Variants in TLK2 observed in about 807,000 individuals in gnomAD.
TLK2 encodes tousled like kinase 2, also known as serine/threonine-protein kinase tousled-like 2.
TLK2 carries 6 observed loss-of-function variants against 117.3 expected under a neutral mutation model. That is an observed-to-expected ratio of 0.05 (90% CI 0.03 to 0.10). TLK2 has a LOEUF of 0.10. Among genes scored for constraint, TLK2 ranks in the 10% least tolerant of loss-of-function variants. The probability of loss-of-function intolerance (pLI) is 1.00; values close to 1 mark genes in which losing one functional copy is unlikely to be tolerated. For missense variants in TLK2, 299 were observed against 901.2 expected, an observed-to-expected ratio of 0.33 and a Z score of 8.56; for synonymous variants, 257 against 316.7, an observed-to-expected ratio of 0.81 and a Z score of 2.00.
intron 9 of TLK2, among the ~76,000 whole-genome samples, chr17:62,554,802 A>G (rs2078725958): frequency 6.6e-6 from 1 of 151,898 alleles, no homozygotes; most frequent in Non-Finnish European, 1.5e-5. Flanking sequence ...GCTTGAGCCC[A>G]GGACCTCTAG....
chr17:62,514,084 T>C lies in TLK2; in HGVS notation c.82-6689T>C, dbSNP rs1255917435. ...TTATGTGAGCTTTTGAGGATTGTGTTTAAAAAAAGTGCTACGTGTTAGTTA... is the reference window on the plus strand; with the variant it reads ...TTATGTGAGCTTTTGAGGATTGTGTCTAAAAAAAGTGCTACGTGTTAGTTA... On this transcript the variant is annotated intron_variant, in intron 2 of 21. Coordinates refer to ENST00000346027, the MANE Select transcript of TLK2 (RefSeq NM_006852.6). Among the ~76,000 whole-genome samples, 4 of 152,244 alleles carry C rather than the reference T, an allele frequency of 2.6e-5. No homozygotes were observed. The East Asian group carries it at 7.7e-4, about 29-fold the overall frequency.
At chr17:62,501,756 T>G (rs1005726033) in intron 2 of TLK2, among the ~76,000 whole-genome samples, 1 of 152,044 alleles carries the variant, frequency 6.6e-6, no homozygotes, top group Non-Finnish European at 1.5e-5. Flanking sequence ...GCCCAGGAGT[T>G]TGAGACCAGC....
intron 6 of TLK2, among the ~76,000 whole-genome samples, chr17:62,525,468 T>G (rs74954752): frequency 1.4e-5 from 2 of 140,768 alleles, no homozygotes; most frequent in Non-Finnish European, 3.1e-5. Context: ...TTTTTTTTTT[T>G]GAGACAGTCT....
rs2079654315 is a variant in TLK2, at chr17:62,565,222, C to T, written c.968+85C>T. The T allele has an allele frequency of 4.0e-6, 6 of 1,485,274 alleles. No homozygotes were observed. In the African/African-American group the frequency reaches 8.4e-5, roughly 21 times the overall value. The allele number at this position is 1,485,274 out of a possible 1,614,324, so 92.0% of individuals were successfully genotyped here. A position where few individuals can be genotyped will look rare whatever the true frequency, so the allele number is the denominator to read the frequency against. On this transcript the variant is annotated intron_variant, in intron 11 of 21. Transcript: ENST00000346027. ...TTCTGTAATTGTAGTCATTAATAATCCTACTATTGGTAGTCATCTTTTCAG... is the reference window on the plus strand; with the variant it reads ...TTCTGTAATTGTAGTCATTAATAATTCTACTATTGGTAGTCATCTTTTCAG...
At chr17:62,595,241 A>C (rs2082384089) in intron 16 of TLK2, among the ~76,000 whole-genome samples, 1 of 150,738 alleles carries the variant, frequency 6.6e-6, no homozygotes. Flanking sequence ...TTGGCCTCCC[A>C]AAGTCCTGGG....
intron 2 of TLK2, among the ~76,000 whole-genome samples, chr17:62,506,658 T>C (rs1261574184): frequency 6.6e-6 from 1 of 152,204 alleles, no homozygotes; most frequent in Admixed American, 6.5e-5. Flanking sequence ...TTTTTATATT[T>C]TTGTTCTCAT....
intron 9 of TLK2, among the ~76,000 whole-genome samples, chr17:62,554,220 C>G (rs114813701): frequency 1.3e-5 from 2 of 152,046 alleles, no homozygotes; most frequent in Non-Finnish European, 2.9e-5. Flanking sequence ...AAATAGATAC[C>G]ACTAGAAAAT....
chr17:62,542,944 A>G (rs1427854519), intron 7 of TLK2, among the ~76,000 whole-genome samples: 4 of 152,242 alleles, frequency 2.6e-5, no homozygotes, highest in African/African-American at 9.6e-5. Context: ...ACATTTTGCT[A>G]GATAGCGAAA....
chr17:62,472,609 G>A (rs930690445), intron 1 of TLK2, among the ~76,000 whole-genome samples: 12 of 152,130 alleles, frequency 7.9e-5, no homozygotes, highest in South Asian at 4.2e-4. Context: ...GAGGTGGCAC[G>A]CGTCTGTAAT....
At chr17:62,530,724 A>G (rs1167553004) in intron 6 of TLK2, among the ~76,000 whole-genome samples, 3 of 151,920 alleles carry the variant, frequency 2.0e-5, no homozygotes, top group African/African-American at 4.8e-5. Context: ...TGCATCCTAC[A>G]CCTTCCACCT....
chr17:62,542,541 T>C (rs1239609601), intron 7 of TLK2, among the ~76,000 whole-genome samples: 1 of 152,240 alleles, frequency 6.6e-6, no homozygotes, highest in African/African-American at 2.4e-5. Context: ...ATATTTAGTT[T>C]GTTATTTTAA....
chr17:62,561,897 T>G (rs1322741373), intron 10 of TLK2, among the ~76,000 whole-genome samples: 2 of 152,334 alleles, frequency 1.3e-5, no homozygotes, highest in East Asian at 3.9e-4. Flanking sequence ...AAAGTAAACA[T>G]AATGCTGTCT....
chr17:62,529,347 G>A (rs754956413), intron 6 of TLK2, among the ~76,000 whole-genome samples: 64 of 151,910 alleles, frequency 4.2e-4, no homozygotes, highest in South Asian at 1.5e-3. Flanking sequence ...AGTGATTCTT[G>A]TGCCTCAGCC....
chr17:62,511,407 G>A (rs1181498807), intron 2 of TLK2, among the ~76,000 whole-genome samples: 1 of 152,158 alleles, frequency 6.6e-6, no homozygotes, highest in African/African-American at 2.4e-5. Flanking sequence ...GTCTCACCCT[G>A]TCACTCAGGC....
chr17:62,485,227 T>C (rs1598121773), intron 2 of TLK2, among the ~76,000 whole-genome samples: 2 of 151,814 alleles, frequency 1.3e-5, no homozygotes, highest in African/African-American at 4.9e-5. Context: ...ATAACATTTT[T>C]CAGTACTTTT....
intron 2 of TLK2, among the ~76,000 whole-genome samples, chr17:62,488,437 T>G (rs914672790): frequency 6.6e-6 from 1 of 152,238 alleles, no homozygotes; most frequent in Non-Finnish European, 1.5e-5. Flanking sequence ...TAAAAATGTT[T>G]GTATGTCTTA....
intron 9 of TLK2, among the ~76,000 whole-genome samples, chr17:62,554,456 G>A (rs761878609): frequency 2.6e-5 from 4 of 152,092 alleles, no homozygotes; most frequent in Non-Finnish European, 2.9e-5. Context: ...GGTGGCAAGC[G>A]GCTGTAGTCT....
At chr17:62,475,623 G>A (rs2071024222), upstream of TLK2, among the ~76,000 whole-genome samples, 1 of 151,992 alleles carries the variant, frequency 6.6e-6, no homozygotes, top group African/African-American at 2.4e-5. Flanking sequence ...AGGATTACAG[G>A]TGTGAGCCAC....
intron 2 of TLK2, among the ~76,000 whole-genome samples, chr17:62,501,035 G>A (rs1482642361): frequency 6.6e-6 from 1 of 151,882 alleles, no homozygotes; most frequent in Non-Finnish European, 1.5e-5. Flanking sequence ...TCAGGAGATC[G>A]AGACCATCCT....
Sources: allele counts gnomAD v4.1 joint callset (sites outside exome capture counted in the v4.1 genomes callset), GRCh38; gene constraint gnomAD v4.1.1; transcripts MANE v1.5; gene names NCBI Gene and HGNC (gene_info 2026-07-23, HGNC 2026-07-21).